The following CDC42BPA variants were observed in gnomAD, a reference collection of about 807,000 sequenced individuals.
CDC42BPA encodes the protein serine/threonine-protein kinase MRCK alpha.
A neutral mutation model predicts 223.5 loss-of-function variants in CDC42BPA; 80 were observed. That is an observed-to-expected ratio of 0.36 (90% CI 0.30 to 0.43). CDC42BPA has a LOEUF of 0.43. Among genes scored for constraint, CDC42BPA ranks in the 20% least tolerant of loss-of-function variants. The pLI, the probability that CDC42BPA is intolerant of heterozygous loss-of-function variation, is 1.00. For missense variants in CDC42BPA, 1,743 were observed against 2,099.9 expected (o/e 0.83, Z 3.32); for synonymous variants, 694 against 718.6 (o/e 0.97, Z 0.55).
intron 11 of CDC42BPA, 102 bp downstream of exon 11, chr1:227,128,998 GCAACTCACA>G: frequency 1.4e-6 from 1 of 734,098 alleles, no homozygotes; most frequent in Non-Finnish European, 2.2e-6. Flanking sequence ...TGACTAGCAT[GCAACTCACA>G]TCACATAACA....
chr1:227,295,954 G>A (rs564256143), intron 1 of CDC42BPA, among the ~76,000 whole-genome samples: 5 of 152,318 alleles, frequency 3.3e-5, no homozygotes, highest in Admixed American at 6.5e-5. Flanking sequence ...AGTCAATCGG[G>A]TTTTGTTAAT....
At position 227,317,198 on chromosome 1, in the gene CDC42BPA, T is replaced by C. The variant is rs1694552006; in HGVS notation, c.-16A>G. ...CTCCAGACATGTTTGCTTCGATTTC[T>C]GCTGGTTTTCCTTTAAATTATTATG... On this transcript the variant is annotated 5_prime_UTR_variant, in exon 1 of 37. Coordinates refer to ENST00000366766, the MANE Select transcript of CDC42BPA (RefSeq NM_001394014.1). 1 of 1,593,100 alleles carries C rather than the reference T, an allele frequency of 6.3e-7. No individual in the cohort carries two copies. Among genetic ancestry groups the C allele is most frequent in the East Asian group, 2.2e-5 (1 of 44,514 alleles).
intron 1 of CDC42BPA, among the ~76,000 whole-genome samples, chr1:227,297,727 A>G (rs556502810): frequency 5.3e-4 from 81 of 152,156 alleles, no homozygotes; most frequent in African/African-American, 1.9e-3. Context: ...AATATCTACA[A>G]TATGTAGAAA....
chr1:227,067,323 G>A (rs1474621522), intron 21 of CDC42BPA, among the ~76,000 whole-genome samples: 2 of 152,024 alleles, frequency 1.3e-5, no homozygotes, highest in African/African-American at 4.8e-5. Flanking sequence ...TCATGTATTT[G>A]CCAAAATACA....
At chr1:227,151,137 G>A (rs1178606650) in intron 6 of CDC42BPA, among the ~76,000 whole-genome samples, 1 of 151,942 alleles carries the variant, frequency 6.6e-6, no homozygotes, top group African/African-American at 2.4e-5. Context: ...TTTTAACTCT[G>A]TACCCATCAG....
chr1:227,037,209 T>C (rs758452563), intron 24 of CDC42BPA, among the ~76,000 whole-genome samples: 1 of 152,176 alleles, frequency 6.6e-6, no homozygotes, highest in East Asian at 1.9e-4. Context: ...AACTACAAAT[T>C]TTCTCCTTCT....
chr1:226,994,521 T>C lies in CDC42BPA; in HGVS notation c.5134-122A>G. The C allele has an allele frequency of 8.4e-7, 1 of 1,191,898 alleles. No individual in the cohort carries two copies. Among genetic ancestry groups the C allele is most frequent in the Middle Eastern group, 2.5e-4 (1 of 4,022 alleles). The allele number at this position is 1,191,898 out of a possible 1,614,324, so 73.8% of individuals were successfully genotyped here. A position where few individuals can be genotyped will look rare whatever the true frequency, so the allele number is the denominator to read the frequency against. ...AAATAACCCCATGGGGCGGCCTCAC[T>C]GTCGGTATAAAGCCCCTTCTATGAG... On this transcript the variant is annotated intron_variant, in intron 36 of 36. Coordinates refer to ENST00000366766, the MANE Select transcript of CDC42BPA (RefSeq NM_001394014.1). This position sits in a 1 kb window ranked among gnomAD's most constrained non-coding sequence, Gnocchi z 4.0.
chr1:227,008,157 A>G (rs1398233164), intron 34 of CDC42BPA, among the ~76,000 whole-genome samples: 2 of 152,238 alleles, frequency 1.3e-5, no homozygotes, highest in East Asian at 3.8e-4. Context: ...CTGAATAAAT[A>G]AATGGAAAAT....
At chr1:227,083,615 T>C (rs1196262187) in intron 16 of CDC42BPA, among the ~76,000 whole-genome samples, 2 of 152,208 alleles carry the variant, frequency 1.3e-5, no homozygotes, top group Non-Finnish European at 2.9e-5. Flanking sequence ...CTGATATGCC[T>C]GGTAATTTTT....
At chr1:227,260,789 A>G (rs923251432) in intron 1 of CDC42BPA, among the ~76,000 whole-genome samples, 2 of 151,030 alleles carry the variant, frequency 1.3e-5, no homozygotes, top group Non-Finnish European at 2.9e-5. Flanking sequence ...CCTTATCTGC[A>G]ATGGAATAAC....
At chr1:226,996,393 C>T (rs1188980790) in intron 35 of CDC42BPA, among the ~76,000 whole-genome samples, 1 of 152,184 alleles carries the variant, frequency 6.6e-6, no homozygotes, top group African/African-American at 2.4e-5. Flanking sequence ...TTTTCTAATA[C>T]AATCATGTCA....
intron 1 of CDC42BPA, among the ~76,000 whole-genome samples, chr1:227,264,262 T>C (rs921908791): frequency 1.3e-5 from 2 of 152,196 alleles, no homozygotes; most frequent in African/African-American, 4.8e-5. Flanking sequence ...AATTTTCTTA[T>C]AGAAAGCAAT....
At chr1:227,134,831 AT>A (rs1658161164) in intron 10 of CDC42BPA, among the ~76,000 whole-genome samples, 1 of 152,326 alleles carries the variant, frequency 6.6e-6, no homozygotes, top group Non-Finnish European at 1.5e-5. Flanking sequence ...AATTCAAAAC[AT>A]TTAAAAAAAA....
At chr1:227,199,986 A>G (rs954832181) in intron 3 of CDC42BPA, among the ~76,000 whole-genome samples, 14 of 152,228 alleles carry the variant, frequency 9.2e-5, no homozygotes, top group Non-Finnish European at 1.5e-4. Context: ...TTTTAAAGAA[A>G]TAAGATGTAA....
intron 21 of CDC42BPA, among the ~76,000 whole-genome samples, chr1:227,064,503 A>T (rs1409445396): frequency 1.3e-5 from 2 of 152,080 alleles, no homozygotes; most frequent in East Asian, 3.8e-4. Context: ...TGATCCCTGG[A>T]TCTGTTACTA....
chr1:227,014,991 G>A (rs1480391385), intron 34 of CDC42BPA, among the ~76,000 whole-genome samples: 1 of 151,948 alleles, frequency 6.6e-6, no homozygotes, highest in Non-Finnish European at 1.5e-5. Context: ...TTGAGATAGG[G>A]TCTTGCTCAG....
chr1:227,151,209 A>C lies in CDC42BPA; in HGVS notation c.694-3650T>G, dbSNP rs964966128. On this transcript the variant is annotated intron_variant, in intron 6 of 36. Transcript: ENST00000366766. ...GCCACCATTGTACTTTGTTTCTTTG[A>C]ACTTGATTACTATAGTTATCTCACA... Among the ~76,000 whole-genome samples, 80 of 152,134 alleles carry C rather than the reference A, an allele frequency of 5.3e-4. 2 individuals carry two copies. Among genetic ancestry groups the C allele is most frequent in the Non-Finnish European group, 1.0e-4 (7 of 68,006 alleles).
At chr1:227,207,581 G>A (rs10916104) in intron 3 of CDC42BPA, among the ~76,000 whole-genome samples, 52,628 of 142,444 alleles carry the variant, frequency 0.37, 9,673 homozygotes, top group Middle Eastern at 0.4. Context: ...TGATCTCACT[G>A]TTCAAGTCCC....
intron 6 of CDC42BPA, among the ~76,000 whole-genome samples, chr1:227,151,881 C>CCA (rs751711912): frequency 2.2e-4 from 19 of 85,772 alleles, no homozygotes; most frequent in African/African-American, 7.2e-4. Context: ...CCAGTCTCTA[C>CCA]AAAAAAAAAA....
Sources: gnomAD v4.1 joint callset for allele counts (sites outside exome capture counted in the v4.1 genomes callset) on GRCh38, gnomAD v4.1.1 for gene constraint, Gnocchi (gnomAD v3.1) non-coding constraint, MANE v1.5 for transcripts, NCBI Gene and HGNC (gene_info 2026-07-23, HGNC 2026-07-21) for gene names.